PLAC8: variants seen among roughly 807,000 people sequenced by gnomAD.
The protein encoded by PLAC8 is placenta associated 8.
Under a neutral mutation model 12.6 loss-of-function variants are expected in PLAC8, and 6 were observed. The ratio of observed to expected loss-of-function variants is 0.48; its 90% CI spans 0.26 to 0.94. PLAC8 has a LOEUF of 0.94. PLAC8 is among the 40% of genes least tolerant of loss of function. PLAC8 has a pLI of 0.14. For missense variants in PLAC8, 122 were observed against 152.7 expected, an observed-to-expected ratio of 0.80 and a Z score of 1.06; for synonymous variants, 54 against 52.6, an observed-to-expected ratio of 1.03 and a Z score of -0.11.
chr4:83,110,079 CCG>C (rs1475445931), intron 1 of PLAC8, among the ~76,000 whole-genome samples: 1 of 152,064 alleles, frequency 6.6e-6, no homozygotes, highest in East Asian at 1.9e-4. Context: ...GCGCCAGGAG[CCG>C]CAAAGCTGGG....
At chr4:83,113,821 A>T (rs188177091) in intron 1 of PLAC8, among the ~76,000 whole-genome samples, 15 of 152,286 alleles carry the variant, frequency 9.8e-5, no homozygotes, top group African/African-American at 1.7e-4. Context: ...GAAATCTTGC[A>T]GTATTTGGCT....
At chr4:83,091,588 G>A (rs1731808015) in intron 4 of PLAC8, among the ~76,000 whole-genome samples, 1 of 152,188 alleles carries the variant, frequency 6.6e-6, no homozygotes, top group Non-Finnish European at 1.5e-5. Flanking sequence ...CTCCATTGTG[G>A]AGTTACTCCA....
intron 3 of PLAC8, among the ~76,000 whole-genome samples, chr4:83,102,292 G>C (rs1237259153): frequency 1.3e-5 from 2 of 152,140 alleles, no homozygotes; most frequent in African/African-American, 4.8e-5. Flanking sequence ...AGCACTTAGG[G>C]AGGCCAAGGC....
chr4:83,105,421 G>A (rs563308039), intron 2 of PLAC8, among the ~76,000 whole-genome samples: 2 of 152,260 alleles, frequency 1.3e-5, no homozygotes, highest in East Asian at 3.9e-4. Flanking sequence ...AGAAAAATGG[G>A]GCCTACAAGG....
intron 4 of PLAC8, 164 bp downstream of exon 4, chr4:83,094,514 T>C: frequency 1.8e-6 from 1 of 549,336 alleles, no homozygotes; most frequent in Non-Finnish European, 3.2e-6. Context: ...GCTATCTTCT[T>C]CATAAGAAGA....
At chr4:83,111,601 T>C (rs1461960074) in intron 1 of PLAC8, among the ~76,000 whole-genome samples, 1 of 152,198 alleles carries the variant, frequency 6.6e-6, no homozygotes, top group Non-Finnish European at 1.5e-5. Context: ...ATTCAATAAA[T>C]AAAGATGATC....
At chr4:83,104,325 C>CTG (rs1299299713) in intron 3 of PLAC8, among the ~76,000 whole-genome samples, 4 of 150,968 alleles carry the variant, frequency 2.6e-5, no homozygotes, top group South Asian at 4.2e-4. Context: ...TGAGGTTTGC[C>CTG]TGTATATATA....
At chr4:83,108,638 G>A (rs978695205) in intron 1 of PLAC8, among the ~76,000 whole-genome samples, 10 of 152,190 alleles carry the variant, frequency 6.6e-5, no homozygotes, top group African/African-American at 2.4e-4. Context: ...ACGGAACTGG[G>A]AAGGTGAACA....
rs1732490453 is a variant in PLAC8, at chr4:83,114,659, T to C, written c.-30+7A>G. ...TTAAAACAAGTTCTTACTTGTAAAG[T>C]ACTTACAATTAGTAAACAAGGTTCC... is the stretch of plus-strand genomic sequence containing the variant. On this transcript the variant is annotated splice_region_variant and intron_variant, in intron 1 of 4. Coordinates refer to ENST00000311507, the MANE Select transcript of PLAC8 (RefSeq NM_016619.3). The C allele has an allele frequency of 6.6e-6, 1 of 152,162 alleles. No individual in the cohort carries two copies. Among genetic ancestry groups the C allele is most frequent in the African/African-American group, 2.4e-5 (1 of 41,428 alleles). The allele number at this position is 152,162 out of a possible 1,614,324, so 9.4% of individuals were successfully genotyped here.
intron 4 of PLAC8, chr4:83,093,736 C>T (rs1372612749): frequency 6.6e-6 from 1 of 151,942 alleles, no homozygotes; most frequent in East Asian, 1.9e-4. Context: ...CCCCCTTTTT[C>T]GTATAAATTC....
At chr4:83,112,047 G>A (rs1404230315) in intron 1 of PLAC8, among the ~76,000 whole-genome samples, 1 of 151,968 alleles carries the variant, frequency 6.6e-6, no homozygotes, top group African/African-American at 2.4e-5. Context: ...GGTAGTGTAT[G>A]CCTGTAATCC....
chr4:83,112,101 G>A (rs1300985734), intron 1 of PLAC8, among the ~76,000 whole-genome samples: 1 of 151,624 alleles, frequency 6.6e-6, no homozygotes, highest in Non-Finnish European at 1.5e-5. Flanking sequence ...TTGAACCCAG[G>A]AGGTGGAGGT....
At position 83,107,880 on chromosome 4, in the gene PLAC8, T is replaced by A. The variant is rs1000126862; in HGVS notation, c.42A>T (p.Gly14=). 3.8e-6 allele frequency: 6 copies of A among 1,599,916 alleles called. No homozygotes were observed. Among genetic ancestry groups the A allele is most frequent in the Non-Finnish European group, 5.1e-6 (6 of 1,172,452 alleles). The change falls in exon 2 of 5, where the codon GGA becomes GGT. Residue 14 remains glycine, a synonymous_variant. Transcript: ENST00000311507. The part of the protein sequence containing the change: ...QAPVVVVTQP[G]VGPGPAPQNS... ...TCTGGGGGGCCGGACCGGGACCGAC[T>A]CCAGGTTGGGTCACAACGACCACCG...
intron 3 of PLAC8, among the ~76,000 whole-genome samples, chr4:83,104,486 G>A (rs796382820): frequency 6.6e-6 from 1 of 152,090 alleles, no homozygotes; most frequent in Non-Finnish European, 1.5e-5. Context: ...ATTGAGTATC[G>A]ACTCTTTCTC....
chr4:83,109,888 TTAAGAG>T (rs2126144159), intron 1 of PLAC8: 1 of 152,400 alleles, frequency 6.6e-6, no homozygotes, highest in East Asian at 1.9e-4. Flanking sequence ...CGGTAAATTC[TTAAGAG>T]CAGCCCGCGC....
At chr4:83,092,417 A>G (rs1731826763) in intron 4 of PLAC8, among the ~76,000 whole-genome samples, 1 of 152,040 alleles carries the variant, frequency 6.6e-6, no homozygotes, top group African/African-American at 2.4e-5. Flanking sequence ...ACTTTTTAGT[A>G]GAGATGAGGT....
At chr4:83,112,683 T>C (rs1361251904) in intron 1 of PLAC8, among the ~76,000 whole-genome samples, 1 of 152,222 alleles carries the variant, frequency 6.6e-6, no homozygotes, top group Non-Finnish European at 1.5e-5. Flanking sequence ...TTGAAAGTTA[T>C]AAAACAGATG....
rs1486222553 is a variant in PLAC8, at chr4:83,107,206, CAAACAAAAAAAA to C, written c.118+586_118+597del. Among the ~76,000 whole-genome samples the C allele has an allele frequency of 3.9e-3, 392 of 100,218 alleles. 1 individual carries two copies. Among genetic ancestry groups the C allele is most frequent in the African/African-American group, 0.014 (328 of 24,192 alleles). The allele number at this position is 100,218 out of a possible 152,430, so 65.7% of individuals were successfully genotyped here. ...CAAGAGTGAGACTTCGTCTCAAAAA[CAAACAAAAAAAA>C]AAAACAAAAAAAAAAACAAAGCAGT... On this transcript the variant is annotated intron_variant, in intron 2 of 4. Coordinates refer to ENST00000311507, the MANE Select transcript of PLAC8 (RefSeq NM_016619.3).
intron 3 of PLAC8, among the ~76,000 whole-genome samples, chr4:83,097,273 T>A (rs1201630679): frequency 1.3e-5 from 2 of 152,010 alleles, no homozygotes; most frequent in Non-Finnish European, 2.9e-5. Flanking sequence ...GTGTGTGATG[T>A]TTATATATAA....
Sources: gnomAD v4.1 joint callset for allele counts (sites outside exome capture counted in the v4.1 genomes callset) on GRCh38, gnomAD v4.1.1 for gene constraint, MANE v1.5 for transcripts, NCBI Gene and HGNC (gene_info 2026-07-23, HGNC 2026-07-21) for gene names.